CROCC2: variants seen among roughly 807,000 people sequenced by gnomAD.
The protein encoded by CROCC2 is ciliary rootlet coiled-coil, rootletin family member 2.
CROCC2 carries 163 observed loss-of-function variants against 177.6 expected under a neutral mutation model. The ratio of observed to expected loss-of-function variants is 0.92; its 90% CI spans 0.81 to 1.05. The LOEUF (loss-of-function observed/expected upper bound fraction) is 1.05, where lower values mean the gene tolerates loss of function less well. Ranked by LOEUF, CROCC2 falls within the 50% of genes least tolerant of loss-of-function variation. The pLI, the probability that CROCC2 is intolerant of heterozygous loss-of-function variation, is 0.00. For missense variants in CROCC2, 1,929 were observed against 1,797.8 expected (o/e 1.07, Z -1.32); for synonymous variants, 904 against 787.3 (o/e 1.15, Z -2.48).
chr2:240,971,130 C>T (rs560741495), intron 27 of CROCC2, among the ~76,000 whole-genome samples: 1 of 152,266 alleles, frequency 6.6e-6, no homozygotes, highest in South Asian at 2.1e-4. Flanking sequence ...GCACCCCACG[C>T]CCCCCATCTC....
chr2:240,916,666 T>G (rs2059323425), intron 1 of CROCC2, among the ~76,000 whole-genome samples: 1 of 151,934 alleles, frequency 6.6e-6, no homozygotes, highest in Non-Finnish European at 1.5e-5. Context: ...AGTGACCCTC[T>G]GTAAATGTTA....
chr2:240,963,640 C>G lies in CROCC2; in HGVS notation c.3172C>G (p.Arg1058Gly). ...GGAGCTGCAGGGCGTCGAGGAGAGC[C>G]GGGAGGGGCTGCACAGGGAGGCCCA... The part of the protein sequence containing the change: ...RQELQGVEES[R>G]EGLHREAQEA... Residue 1058 changes from arginine (R) to glycine (G), a missense_variant, in exon 21 of 32, where the codon CGG becomes GGG. Arg to Gly is a moderately radical substitution (Grantham distance 125). This residue lies in a region of CROCC2 where 1,397 missense variants were observed against 1,239.9 expected (regional missense o/e 1.13). Coordinates refer to ENST00000690015, the MANE Select transcript of CROCC2 (RefSeq NM_001351305.2). The G allele has an allele frequency of 6.5e-7, 1 of 1,549,684 alleles. No homozygotes were observed. Among genetic ancestry groups the G allele is most frequent in the Non-Finnish European group, 8.7e-7 (1 of 1,146,732 alleles).
chr2:240,922,179 C>T (rs1027808787), intron 3 of CROCC2, among the ~76,000 whole-genome samples: 13 of 152,240 alleles, frequency 8.5e-5, no homozygotes, highest in African/African-American at 3.1e-4. Context: ...CCTCAGTTTA[C>T]CCATCTGTAA....
chr2:240,967,605 CA>C lies in CROCC2; in HGVS notation c.4267+141del, dbSNP rs139767016. 3.5e-3 allele frequency: 5,178 copies of C among 1,481,706 alleles called. 170 individuals are homozygous for C. The African/African-American group carries it at 0.064, about 18-fold the overall frequency. 91.8% of individuals were successfully genotyped at this position (1,481,706 alleles called of 1,614,324 possible). A position where few individuals can be genotyped will look rare whatever the true frequency, so the allele number is the denominator to read the frequency against. ...GGGAGCCTGGGGGCAACACCCAAAC[CA>C]CCAGGCCTGGCGAGGCTGGGTCAGC... On this transcript the variant is annotated intron_variant, in intron 26 of 31. Coordinates refer to ENST00000690015, the MANE Select transcript of CROCC2 (RefSeq NM_001351305.2).
At chr2:240,961,855 C>CAT (rs200747994) in intron 20 of CROCC2, among the ~76,000 whole-genome samples, 9 of 48,364 alleles carry the variant, frequency 1.9e-4, no homozygotes, top group Non-Finnish European at 2.8e-4. Context: ...ATGACACACA[C>CAT]GCACACACTC....
intron 27 of CROCC2, among the ~76,000 whole-genome samples, chr2:240,968,675 T>C (rs1247864757): frequency 1.3e-5 from 2 of 152,218 alleles, no homozygotes; most frequent in East Asian, 3.9e-4. Context: ...AGGGTCACAC[T>C]GTCCTGCTCC....
rs562239857 is a variant in CROCC2, at chr2:240,941,466, T to G, written c.2170-4594T>G. 5.9e-5 allele frequency among the ~76,000 whole-genome samples: 9 copies of G among 152,316 alleles called. No homozygotes were observed. In the East Asian group the frequency reaches 1.7e-3, roughly 29 times the overall value. On this transcript the variant is annotated intron_variant, in intron 14 of 31. Transcript: ENST00000690015. ...AACAGTTACCAAAACAGCATGGTAC[T>G]GGTATAAAAATAGGCACATAGACCA...
Position 240,920,358 on chromosome 2 carries a change from G to A in CROCC2, c.381+224G>A, listed in dbSNP as rs542159530. Reference sequence around the variant, plus strand: ...CCAGAGGTGGGAGGCCAAGCAGCACGTGCCCAGGCCTTTCTGATGCCCAGC... The same window carrying A: ...CCAGAGGTGGGAGGCCAAGCAGCACATGCCCAGGCCTTTCTGATGCCCAGC... On this transcript the variant is annotated intron_variant, in intron 3 of 31. Transcript: ENST00000690015. 1.2e-4 allele frequency among the ~76,000 whole-genome samples: 19 copies of A among 152,328 alleles called. No individual in the cohort carries two copies. In the South Asian group the frequency reaches 3.3e-3, roughly 27 times the overall value.
intron 1 of CROCC2, among the ~76,000 whole-genome samples, chr2:240,913,526 C>A (rs2059300893): frequency 6.6e-6 from 1 of 152,216 alleles, no homozygotes; most frequent in Non-Finnish European, 1.5e-5. Flanking sequence ...TGTCTGTGTG[C>A]CAAGCATTGT....
At chr2:240,914,665 C>T (rs1173545965) in intron 1 of CROCC2, among the ~76,000 whole-genome samples, 1 of 152,110 alleles carries the variant, frequency 6.6e-6, no homozygotes. Context: ...GGGTCCACCC[C>T]TCAATGAGGG....
At chr2:240,961,478 G>A (rs1171339341) in intron 20 of CROCC2, among the ~76,000 whole-genome samples, 8 of 151,828 alleles carry the variant, frequency 5.3e-5, no homozygotes, top group African/African-American at 1.2e-4. Context: ...GCATACAGAC[G>A]TGCACACACA....
At position 240,989,678 on chromosome 2, in the gene CROCC2, G is replaced by A. The variant is rs985891747; in HGVS notation, c.4708G>A (p.Ala1570Thr). ...GGCCCAGATGACAGAGATGGAGCAG[G>A]CCCACACCCAGCGGCTCCAGGACCT... ...LQAQMTEMEQ[A>T]HTQRLQDLTA... The change falls in exon 30 of 32, where the codon GCC becomes ACC. Residue 1570 changes from alanine to threonine, a missense_variant. This residue lies in a region of CROCC2 where 388 missense variants were observed against 352.7 expected (regional missense o/e 1.10). Coordinates refer to ENST00000690015, the MANE Select transcript of CROCC2 (RefSeq NM_001351305.2). The A allele has an allele frequency of 6.5e-7, 1 of 1,549,458 alleles. No individual in the cohort carries two copies. The highest frequency in any genetic ancestry group is 2.0e-5 in the Admixed American group (1 of 50,974).
Position 240,930,940 on chromosome 2 carries a change from T to A in CROCC2, c.759T>A (p.Ala253=), listed in dbSNP as rs778792151. 1.4e-6 allele frequency: 1 copy of A among 711,694 alleles called. No individual in the cohort carries two copies. The highest frequency in any genetic ancestry group is 2.6e-6 in the Non-Finnish European group (1 of 382,294). 44.1% of individuals were successfully genotyped at this position (711,694 alleles called of 1,614,324 possible). ...TGCCCTTGTCTCCCAGGGGCCTCGC[T>A]GACCTGCAGGCAGACACGGCCAGGA... ...ELRVATERGL[A]DLQADTARTA... Residue 253 remains alanine, a synonymous_variant, in exon 7 of 32, where the codon GCT becomes GCA. Transcript: ENST00000690015.
chr2:240,923,388 G>A (rs947549339), intron 4 of CROCC2, among the ~76,000 whole-genome samples: 2 of 151,554 alleles, frequency 1.3e-5, no homozygotes, highest in South Asian at 2.1e-4. Context: ...TGGAGCTGAC[G>A]ATGTCATGCC....
chr2:240,926,428 G>A (rs1449393728), intron 5 of CROCC2, among the ~76,000 whole-genome samples: 5 of 152,092 alleles, frequency 3.3e-5, no homozygotes, highest in African/African-American at 4.8e-5. Flanking sequence ...ATGGTCGTGG[G>A]ACCCCCTGAA....
At chr2:240,946,612 T>G (rs902591270) in intron 15 of CROCC2, among the ~76,000 whole-genome samples, 6 of 152,194 alleles carry the variant, frequency 3.9e-5, no homozygotes, top group Admixed American at 3.9e-4. Context: ...CACAGTGCCC[T>G]CAGAATCCTG....
rs1490898923 is a variant in CROCC2, at chr2:240,972,139, G to A, written c.4401+3877G>A. ...GTTTTGTGATTTTTTTCCTTTGCGT[G>A]TCTTTAAAGAAAGGAGTTCTGGCCT... On this transcript the variant is annotated intron_variant, in intron 27 of 31. Transcript: ENST00000690015. This position sits in a 1 kb window ranked among gnomAD's most constrained non-coding sequence, Gnocchi z 7.1. 6.6e-6 allele frequency among the ~76,000 whole-genome samples: 1 copy of A among 152,152 alleles called. No individual in the cohort carries two copies. The highest frequency in any genetic ancestry group is 2.4e-5 in the African/African-American group (1 of 41,436).
At chr2:240,975,332 G>A (rs1244421351) in intron 27 of CROCC2, among the ~76,000 whole-genome samples, 2 of 152,226 alleles carry the variant, frequency 1.3e-5, no homozygotes, top group South Asian at 2.1e-4. Context: ...TGTGTGGAGT[G>A]AAGGGCTCCA....
intron 14 of CROCC2, among the ~76,000 whole-genome samples, chr2:240,936,022 A>G (rs1284371570): frequency 6.7e-6 from 1 of 150,266 alleles, no homozygotes; most frequent in South Asian, 2.1e-4. Context: ...GGAGAAAAAA[A>G]CAGTCTTGGT....
Sources: gnomAD v4.1 joint callset for allele counts (sites outside exome capture counted in the v4.1 genomes callset) on GRCh38, gnomAD v4.1.1 for gene constraint, gnomAD v4.1.1 regional missense constraint, Gnocchi (gnomAD v3.1) non-coding constraint, MANE v1.5 for transcripts, NCBI Gene and HGNC (gene_info 2026-07-23, HGNC 2026-07-21) for gene names.